Variants in ARAP2 observed in about 807,000 individuals in gnomAD.
ARAP2 encodes ArfGAP with RhoGAP domain, ankyrin repeat and PH domain 2, also known as arf-GAP with Rho-GAP domain, ANK repeat and PH domain-containing protein 2.
A neutral mutation model predicts 194.5 loss-of-function variants in ARAP2; 148 were observed. The ratio of observed to expected loss-of-function variants is 0.76; its 90% CI spans 0.67 to 0.87. The LOEUF (loss-of-function observed/expected upper bound fraction) is 0.87, where lower values mean the gene tolerates loss of function less well. Among genes scored for constraint, ARAP2 ranks in the 40% least tolerant of loss-of-function variants. The probability of loss-of-function intolerance (pLI) is 0.00; values close to 1 mark genes in which losing one functional copy is unlikely to be tolerated. For missense variants in ARAP2, 2,128 were observed against 1,989.7 expected (o/e 1.07, Z -1.32); for synonymous variants, 695 against 683.5 (o/e 1.02, Z -0.26).
At chr4:36,044,727 T>A (rs1018358985) in intron 5 of ARAP2, among the ~76,000 whole-genome samples, 14 of 152,046 alleles carry the variant, frequency 9.2e-5, no homozygotes, top group African/African-American at 2.9e-4. Context: ...AGGTTTTGTA[T>A]AGCAAAGTAA....
At chr4:36,226,789 T>C (rs1165860221) in intron 2 of ARAP2, among the ~76,000 whole-genome samples, 2 of 152,196 alleles carry the variant, frequency 1.3e-5, no homozygotes, top group Non-Finnish European at 2.9e-5. Flanking sequence ...CAAGATTCTC[T>C]GTAAAATTCA....
At chr4:36,164,780 G>C (rs1362273206) in intron 11 of ARAP2, 134 bp downstream of exon 11, 1 of 857,216 alleles carries the variant, frequency 1.2e-6, no homozygotes, top group Admixed American at 2.8e-5. Context: ...TTCTGAATTT[G>C]ATTTAAATGT....
chr4:36,123,868 C>G (rs11721953), intron 22 of ARAP2, among the ~76,000 whole-genome samples: 1 of 151,556 alleles, frequency 6.6e-6, no homozygotes, highest in Non-Finnish European at 1.5e-5. Context: ...ATTTCTTTCA[C>G]GCCCAATTCA....
rs749990423 is a variant in ARAP2 at position 36,212,427 on chromosome 4, T to C, written c.1102A>G (p.Thr368Ala). ...TTGATGATAAAAGAGTTTGTTGCAG[T>C]AGCTGCTTCCCCTTTGAGTGCTTCT... ...QGEALKGEAA[T>A]ATNSFIIKSS... is the part of the protein sequence containing the mutation. Residue 368 changes from threonine (T) to alanine (A), a missense_variant, in exon 5 of 33, where the codon ACT (threonine) becomes GCT (alanine). Physicochemically the swap from Thr to Ala is moderately conservative, Grantham distance 58. Transcript: ENST00000303965. 1.2e-5 allele frequency: 20 copies of C among 1,612,328 alleles called. No homozygotes were observed. The East Asian group carries it at 2.0e-4, about 16-fold the overall frequency.
At chr4:36,148,555 T>A in intron 16 of ARAP2, 48 bp from the exon 17 acceptor site, 1 of 1,355,882 alleles carries the variant, frequency 7.4e-7, no homozygotes, top group African/African-American at 1.4e-5. Flanking sequence ...ATTTAGCTCT[T>A]AAGAAAATGA....
At chr4:36,161,726 G>A (rs895452672) in intron 11 of ARAP2, among the ~76,000 whole-genome samples, 176 bp from the exon 12 acceptor site, 1 of 145,640 alleles carries the variant, frequency 6.9e-6, no homozygotes, top group Non-Finnish European at 1.5e-5. Context: ...CAGTAGTGGT[G>A]AGAATTAGAC....
intron 28 of ARAP2, among the ~76,000 whole-genome samples, chr4:36,087,232 AAAC>A (rs1712125531): frequency 6.6e-6 from 1 of 152,138 alleles, no homozygotes; most frequent in African/African-American, 2.4e-5. Context: ...TAACATGAAA[AAAC>A]AACAAAATGA....
chr4:36,019,593 G>C (rs946769583), intron 5 of ARAP2, among the ~76,000 whole-genome samples: 1 of 151,292 alleles, frequency 6.6e-6, no homozygotes, highest in Non-Finnish European at 1.5e-5. Flanking sequence ...GGTGGACCCA[G>C]GGAAAGGCTT....
intron 8 of ARAP2, among the ~76,000 whole-genome samples, chr4:36,180,825 A>G (rs1157129867): frequency 6.6e-6 from 1 of 152,266 alleles, no homozygotes; most frequent in African/African-American, 2.4e-5. Context: ...AGTTACTAAT[A>G]GGAAGTAAAC....
At chr4:36,041,683 A>C (rs1720891346) in intron 5 of ARAP2, among the ~76,000 whole-genome samples, 1 of 152,222 alleles carries the variant, frequency 6.6e-6, no homozygotes, top group South Asian at 2.1e-4. Context: ...GTGTATACTC[A>C]GAGAAATATA....
intron 8 of ARAP2, among the ~76,000 whole-genome samples, chr4:36,182,851 T>A (rs912294361): frequency 6.6e-6 from 1 of 152,062 alleles, no homozygotes; most frequent in African/African-American, 2.4e-5. Context: ...AGGGTGGAAA[T>A]GGGAATTTTG....
At chr4:36,084,170 G>A (rs889677530) in intron 28 of ARAP2, among the ~76,000 whole-genome samples, 12 of 151,976 alleles carry the variant, frequency 7.9e-5, no homozygotes, top group South Asian at 2.1e-4. Flanking sequence ...GCTTGCAGAC[G>A]GCCTATTGTG....
chr4:36,217,589 T>C (rs1384261152), intron 2 of ARAP2, among the ~76,000 whole-genome samples: 1 of 151,926 alleles, frequency 6.6e-6, no homozygotes, highest in Non-Finnish European at 1.5e-5. Flanking sequence ...GCAAACTTAC[T>C]AATAGGGTTG....
At chr4:36,011,447 T>C (rs1271246608) in intron 9 of ARAP2, among the ~76,000 whole-genome samples, 1 of 152,204 alleles carries the variant, frequency 6.6e-6, no homozygotes, top group Admixed American at 6.5e-5. Context: ...TAAGGCCCTG[T>C]AAATTCTACA....
chr4:36,067,871 T>TA lies in ARAP2; in HGVS notation c.*35dup. The TA allele has an allele frequency of 1.3e-6, 2 of 1,528,806 alleles. No homozygotes were observed. Among genetic ancestry groups the TA allele is most frequent in the Non-Finnish European group, 1.8e-6 (2 of 1,138,646 alleles). 94.7% of individuals were successfully genotyped at this position (1,528,806 alleles called of 1,614,324 possible). A position where few individuals can be genotyped will look rare whatever the true frequency, so the allele number is the denominator to read the frequency against. On this transcript the variant is annotated 3_prime_UTR_variant, in exon 33 of 33. Coordinates refer to ENST00000303965, the MANE Select transcript of ARAP2 (RefSeq NM_015230.4). ...TACACATAAAGATTGCATACAATATTAAAAAAATAATCTGGGGAGCAATTC... is the reference window on the plus strand; with the variant it reads ...TACACATAAAGATTGCATACAATATTAAAAAAAATAATCTGGGGAGCAATTC...
chr4:36,014,224 C>CGGAAGAAAGAAAGAAA (rs1392259044), intron 8 of ARAP2, among the ~76,000 whole-genome samples: 713 of 61,674 alleles, frequency 0.012, 91 homozygotes, highest in African/African-American at 0.024. Context: ...GAGACCCTAT[C>CGGAAGAAAGAAAGAAA]GAAAGAAAGA....
At chr4:36,097,058 T>C (rs542339981) in intron 27 of ARAP2, among the ~76,000 whole-genome samples, 1 of 152,230 alleles carries the variant, frequency 6.6e-6, no homozygotes, top group East Asian at 1.9e-4. Context: ...AACCTTTCCA[T>C]TTTTACCAAG....
intron 27 of ARAP2, among the ~76,000 whole-genome samples, chr4:36,100,678 C>T (rs995991828): frequency 4.6e-5 from 7 of 151,966 alleles, no homozygotes; most frequent in Non-Finnish European, 7.4e-5. Context: ...ACTCAAAATG[C>T]ACTTTGGTGA....
chr4:36,114,163 C>T lies in ARAP2; in HGVS notation c.4156+7G>A. On this transcript the variant is annotated splice_region_variant and intron_variant, in intron 26 of 32. Transcript: ENST00000303965. ...ATTTAAGAATCCCTAGCATAAAAATCACTTACCTAGCTCTTCATTTTCAAT... is the reference window on the plus strand; with the variant it reads ...ATTTAAGAATCCCTAGCATAAAAATTACTTACCTAGCTCTTCATTTTCAAT... 1 of 1,545,174 alleles carries T rather than the reference C, an allele frequency of 6.5e-7. No homozygotes were observed. The highest frequency in any genetic ancestry group is 8.9e-7 in the Non-Finnish European group (1 of 1,123,128).
Sources: allele counts gnomAD v4.1 joint callset (sites outside exome capture counted in the v4.1 genomes callset), GRCh38; gene constraint gnomAD v4.1.1; transcripts MANE v1.5; gene names NCBI Gene and HGNC (gene_info 2026-07-23, HGNC 2026-07-21).